PLPP4: variants seen among roughly 807,000 people sequenced by gnomAD.
The protein encoded by PLPP4 is diacylglycerol pyrophosphate like 2.
In PLPP4, 20 loss-of-function variants were observed where a neutral mutation model predicts 32.2. That is an observed-to-expected ratio of 0.62 (90% CI 0.44 to 0.90). The LOEUF (loss-of-function observed/expected upper bound fraction) is 0.90, where lower values mean the gene tolerates loss of function less well. Among genes scored for constraint, PLPP4 ranks in the 40% least tolerant of loss-of-function variants. The probability of loss-of-function intolerance (pLI) is 0.00; values close to 1 mark genes in which losing one functional copy is unlikely to be tolerated. For synonymous variants in PLPP4, 127 were observed against 133.0 expected (o/e 0.95, Z 0.31); for missense variants, 257 against 353.1 (o/e 0.73, Z 2.18).
At chr10:120,495,771 C>T (rs149673485) in intron 1 of PLPP4, among the ~76,000 whole-genome samples, 116 of 152,294 alleles carry the variant, frequency 7.6e-4, no homozygotes, top group African/African-American at 2.7e-3. Flanking sequence ...CCTCACTACC[C>T]TCGGGTGGGG....
intron 1 of PLPP4, among the ~76,000 whole-genome samples, chr10:120,501,701 C>T (rs1193314778): frequency 6.6e-6 from 1 of 152,152 alleles, no homozygotes; most frequent in Non-Finnish European, 1.5e-5. Context: ...GTTTGGGACC[C>T]TTAGGTATCA....
chr10:120,538,359 C>T (rs1847161526), intron 5 of PLPP4, among the ~76,000 whole-genome samples: 1 of 151,892 alleles, frequency 6.6e-6, no homozygotes, highest in Non-Finnish European at 1.5e-5. Context: ...ATTCTATAGC[C>T]AAGTCTGTGC....
At chr10:120,507,491 C>T (rs542104306) in intron 2 of PLPP4, among the ~76,000 whole-genome samples, 79 of 152,282 alleles carry the variant, frequency 5.2e-4, no homozygotes, top group Non-Finnish European at 1.0e-3. Flanking sequence ...CCTTTGAGGT[C>T]AGCACTTTTG....
At chr10:120,542,517 T>G (rs938957044) in intron 5 of PLPP4, among the ~76,000 whole-genome samples, 3 of 152,138 alleles carry the variant, frequency 2.0e-5, no homozygotes, top group Non-Finnish European at 4.4e-5. Flanking sequence ...TCCTCCAAAA[T>G]GTTTATGAAA....
At chr10:120,460,447 T>C (rs1847989053) in intron 1 of PLPP4, among the ~76,000 whole-genome samples, 1 of 152,204 alleles carries the variant, frequency 6.6e-6, no homozygotes. Context: ...AGACCAATGG[T>C]GCACTACTAG....
At chr10:120,571,093 C>CGTGTGT (rs60011757) in intron 5 of PLPP4, among the ~76,000 whole-genome samples, 11,882 of 144,432 alleles carry the variant, frequency 0.082, 625 homozygotes, top group African/African-American at 0.13. Context: ...AGTAAAGGGG[C>CGTGTGT]GTGTGTGTGT....
intron 1 of PLPP4, among the ~76,000 whole-genome samples, chr10:120,483,281 TG>T (rs1311103581): frequency 2.0e-5 from 3 of 152,168 alleles, no homozygotes; most frequent in African/African-American, 7.2e-5. Context: ...CTGGCTTCCT[TG>T]CTCCTCAGCT....
chr10:120,490,603 C>G (rs1844675473), intron 1 of PLPP4, among the ~76,000 whole-genome samples: 2 of 152,246 alleles, frequency 1.3e-5, no homozygotes, highest in African/African-American at 4.8e-5. Context: ...GCTGTTTCAT[C>G]TTACACATCT....
At chr10:120,557,213 A>G (rs1848202429) in intron 5 of PLPP4, among the ~76,000 whole-genome samples, 1 of 152,214 alleles carries the variant, frequency 6.6e-6, no homozygotes, top group Non-Finnish European at 1.5e-5. Context: ...CCCTCAAGAA[A>G]TAGCTGCATT....
chr10:120,588,601 G>T (rs1849871671), intron 6 of PLPP4, among the ~76,000 whole-genome samples: 1 of 152,126 alleles, frequency 6.6e-6, no homozygotes, highest in African/African-American at 2.4e-5. Flanking sequence ...GGACTCTGAT[G>T]GGAACTTACT....
intron 5 of PLPP4, among the ~76,000 whole-genome samples, chr10:120,536,813 T>C (rs1252927933): frequency 3.3e-5 from 5 of 151,712 alleles, no homozygotes; most frequent in African/African-American, 9.7e-5. Context: ...AAATAAGAGG[T>C]TAACCTCAAA....
intron 1 of PLPP4, among the ~76,000 whole-genome samples, chr10:120,501,296 T>TCATTTC (rs1845236644): frequency 6.6e-6 from 1 of 151,492 alleles, no homozygotes; most frequent in Non-Finnish European, 1.5e-5. Context: ...AAGCAAAATT[T>TCATTTC]ATTTCATTTC....
At chr10:120,475,338 G>A (rs1176966496) in intron 1 of PLPP4, among the ~76,000 whole-genome samples, 2 of 151,704 alleles carry the variant, frequency 1.3e-5, no homozygotes, top group Non-Finnish European at 2.9e-5. Context: ...GCACCTCAAT[G>A]TCTTGACTTT....
chr10:120,472,224 T>G (rs1301530504), intron 1 of PLPP4, among the ~76,000 whole-genome samples: 1 of 152,156 alleles, frequency 6.6e-6, no homozygotes, highest in Non-Finnish European at 1.5e-5. Context: ...GATTATATCC[T>G]TTTAGCCTGA....
chr10:120,464,435 A>G (rs1212634726), intron 1 of PLPP4, among the ~76,000 whole-genome samples: 2 of 152,196 alleles, frequency 1.3e-5, no homozygotes, highest in East Asian at 3.9e-4. Flanking sequence ...CTTATTACAA[A>G]TGATTTACCA....
chr10:120,486,473 C>A (rs1844462905), intron 1 of PLPP4, among the ~76,000 whole-genome samples: 1 of 152,118 alleles, frequency 6.6e-6, no homozygotes, highest in African/African-American at 2.4e-5. Context: ...CTCAGTTTGA[C>A]CAGCTGTAAA....
chr10:120,480,708 A>G (rs932879779), intron 1 of PLPP4, among the ~76,000 whole-genome samples: 2 of 152,156 alleles, frequency 1.3e-5, no homozygotes, highest in Admixed American at 1.3e-4. Context: ...TCTTCCTTCT[A>G]TACTATTAAC....
In PLPP4 at chr10:120,518,688, A is replaced by T. The variant is rs528139423; in HGVS notation, c.257-145A>T. The T allele has an allele frequency of 1.2e-5, 7 of 594,794 alleles. No homozygotes were observed. In the South Asian group the frequency reaches 2.3e-4, roughly 20 times the overall value. 36.8% of individuals were successfully genotyped at this position (594,794 alleles called of 1,614,324 possible). ...TTTTGCTCTCTAGCAACCCAAACGT[A>T]TCTCTGTTTTCAAAGTATTCGTTCA... On this transcript the variant is annotated intron_variant, in intron 3 of 6. Transcript: ENST00000398250.
At chr10:120,559,641 T>C (rs1589880734) in intron 5 of PLPP4, among the ~76,000 whole-genome samples, 1 of 152,028 alleles carries the variant, frequency 6.6e-6, no homozygotes, top group African/African-American at 2.4e-5. Flanking sequence ...AATGAATATA[T>C]TGAAAATTTT....
Sources: gnomAD v4.1 joint callset for allele counts (sites outside exome capture counted in the v4.1 genomes callset) on GRCh38, gnomAD v4.1.1 for gene constraint, MANE v1.5 for transcripts, NCBI Gene and HGNC (gene_info 2026-07-23, HGNC 2026-07-21) for gene names.